STARD13: variants seen among roughly 807,000 people sequenced by gnomAD.
STARD13 encodes StAR related lipid transfer domain containing 13.
A neutral mutation model predicts 106.4 loss-of-function variants in STARD13; 62 were observed. The observed-to-expected ratio is 0.58, with a 90% CI of 0.48 to 0.72. STARD13 has a LOEUF of 0.72. Ranked by LOEUF, STARD13 falls within the 30% of genes least tolerant of loss-of-function variation. The pLI, the probability that STARD13 is intolerant of heterozygous loss-of-function variation, is 0.00. For missense variants in STARD13, 1,387 were observed against 1,424.0 expected (o/e 0.97, Z 0.42); for synonymous variants, 565 against 553.0 (o/e 1.02, Z -0.31).
the STARD13 span, among the ~76,000 whole-genome samples, chr13:33,407,810 A>G: frequency 6.6e-6 from 1 of 152,228 alleles, no homozygotes; most frequent in Non-Finnish European, 1.5e-5. Flanking sequence ...AAACTCAGGG[A>G]TATTGGTGGT....
the STARD13 span, among the ~76,000 whole-genome samples, chr13:33,493,306 A>G: frequency 6.6e-6 from 1 of 152,228 alleles, no homozygotes; most frequent in South Asian, 2.1e-4. Flanking sequence ...GATTTATCAC[A>G]CTCAACTATC....
upstream of STARD13, among the ~76,000 whole-genome samples, chr13:33,354,789 T>G (rs1016422914): frequency 3.3e-5 from 5 of 151,784 alleles, no homozygotes; most frequent in African/African-American, 1.2e-4. Context: ...ATACTGATAA[T>G]TATAGTTTTT....
intron 1 of STARD13, chr13:33,349,259 A>G (rs756699227): frequency 1.4e-6 from 1 of 702,212 alleles, no homozygotes; most frequent in South Asian, 1.5e-5. Context: ...GACTTGCCTC[A>G]GGGTCACCTC....
At chr13:33,358,930 T>G in the STARD13 span, among the ~76,000 whole-genome samples, 2 of 152,066 alleles carry the variant, frequency 1.3e-5, no homozygotes, top group Admixed American at 1.3e-4. Context: ...AGAACCTGTG[T>G]GTGGAAACTC....
chr13:33,235,857 C>T (rs1010303464), intron 1 of STARD13, among the ~76,000 whole-genome samples: 2 of 152,230 alleles, frequency 1.3e-5, no homozygotes, highest in Non-Finnish European at 2.9e-5. Flanking sequence ...AGAAACATTG[C>T]ATTAGCAGCT....
chr13:33,285,868 G>C, upstream of STARD13: 1 of 960,754 alleles, frequency 1.0e-6, no homozygotes, highest in South Asian at 2.4e-5. Flanking sequence ...TTTGCAGTCA[G>C]CCCTAAGCCC....
the STARD13 span, among the ~76,000 whole-genome samples, chr13:33,463,796 G>A: frequency 1.3e-5 from 2 of 151,960 alleles, no homozygotes; most frequent in East Asian, 1.9e-4. Context: ...GGTAGATCAC[G>A]AGGTCACGAG....
At chr13:33,634,101 T>C in the STARD13 span, among the ~76,000 whole-genome samples, 18 of 152,274 alleles carry the variant, frequency 1.2e-4, no homozygotes, top group African/African-American at 4.1e-4. Flanking sequence ...ATGGCCATCA[T>C]ATAAACATGG....
chr13:33,591,303 T>C, the STARD13 span, among the ~76,000 whole-genome samples: 2 of 152,262 alleles, frequency 1.3e-5, no homozygotes, highest in African/African-American at 4.8e-5. Flanking sequence ...GTTGGAACTT[T>C]ACCTTATTTA....
intron 1 of STARD13, among the ~76,000 whole-genome samples, chr13:33,181,148 A>G (rs11839406): frequency 0.1 from 15,935 of 152,066 alleles, 1,735 homozygotes; most frequent in African/African-American, 0.28. Flanking sequence ...AGATAACACT[A>G]TGCCCCTTGG....
the STARD13 span, among the ~76,000 whole-genome samples, chr13:33,592,769 T>C: frequency 2.8e-5 from 4 of 141,546 alleles, no homozygotes; most frequent in Non-Finnish European, 1.5e-5. Flanking sequence ...ACTTAATGAG[T>C]TGAAATAGTT....
rs776543977 is a variant in STARD13 at position 33,105,706 on chromosome 13, G to A, written c.3229C>T (p.His1077Tyr). ...THICRIDLKGHSPEWYSKGFG... is the reference protein window; with the variant it reads ...THICRIDLKGYSPEWYSKGFG... ...CCTTTGCTGTACCATTCTGGGGAGT[G>A]ACCTCTGTGGGGAAAGAAATCAGAA... The change falls in exon 14 of 14, where the codon CAC becomes TAC. Residue 1077 changes from histidine to tyrosine, a missense_variant. By Grantham distance (83) the His-to-Tyr change is moderately conservative. Coordinates refer to ENST00000336934, the MANE Select transcript of STARD13 (RefSeq NM_178006.4). 7.4e-6 allele frequency: 12 copies of A among 1,611,528 alleles called. No homozygotes were observed. The Admixed American group carries it at 1.2e-4, about 16-fold the overall frequency.
At chr13:33,559,189 C>A in the STARD13 span, among the ~76,000 whole-genome samples, 1 of 151,574 alleles carries the variant, frequency 6.6e-6, no homozygotes, top group Admixed American at 6.6e-5. Context: ...AAGACTAATA[C>A]TTTTATGTAA....
intron 1 of STARD13, among the ~76,000 whole-genome samples, chr13:33,339,083 T>G (rs2077930661): frequency 6.6e-6 from 1 of 152,142 alleles, no homozygotes; most frequent in Non-Finnish European, 1.5e-5. Flanking sequence ...GGCCAGACAC[T>G]GTGCTAAGTT....
chr13:33,396,528 A>G, the STARD13 span, among the ~76,000 whole-genome samples: 4 of 152,240 alleles, frequency 2.6e-5, no homozygotes, highest in Non-Finnish European at 5.9e-5. Flanking sequence ...ACACAAAAGC[A>G]CACATAGTAA....
chr13:33,486,413 A>T, the STARD13 span, among the ~76,000 whole-genome samples: 1 of 152,190 alleles, frequency 6.6e-6, no homozygotes, highest in African/African-American at 2.4e-5. Flanking sequence ...TACCTATGAT[A>T]AAATTAACTT....
chr13:33,172,154 A>C (rs1297189715), intron 1 of STARD13, among the ~76,000 whole-genome samples: 1 of 152,234 alleles, frequency 6.6e-6, no homozygotes, highest in East Asian at 1.9e-4. Context: ...AAACAGTACT[A>C]TGCTAATATC....
At position 33,127,547 on chromosome 13, in the gene STARD13, C is replaced by G; in HGVS notation, c.1749-1G>C. The stretch of plus-strand genomic sequence containing the variant: ...CTGGAAACTGTTCCATCGGAGTCGC[C>G]TTTACCAGAGAGACCATCAGAGAAG... On this transcript the variant is annotated splice_acceptor_variant, in intron 5 of 13. Coordinates refer to ENST00000336934, the MANE Select transcript of STARD13 (RefSeq NM_178006.4). LOFTEE classifies it high-confidence loss of function. The G allele has an allele frequency of 6.5e-7, 1 of 1,535,998 alleles. No homozygotes were observed. The highest frequency in any genetic ancestry group is 8.7e-7 in the Non-Finnish European group (1 of 1,149,064).
chr13:33,525,196 T>C, the STARD13 span, among the ~76,000 whole-genome samples: 7 of 152,158 alleles, frequency 4.6e-5, no homozygotes, highest in Admixed American at 2.0e-4. Context: ...TACATTTTTT[T>C]AGTTTTTGTA....
Sources: allele counts gnomAD v4.1 joint callset (sites outside exome capture counted in the v4.1 genomes callset), GRCh38; gene constraint gnomAD v4.1.1; transcripts MANE v1.5; gene names NCBI Gene and HGNC (gene_info 2026-07-23, HGNC 2026-07-21).